CHST13: variants seen among roughly 807,000 people sequenced by gnomAD.
CHST13 encodes the protein carbohydrate sulfotransferase 13.
In CHST13, 1 loss-of-function variant was observed where a neutral mutation model predicts 7.0. That is an observed-to-expected ratio of 0.14 (90% CI 0.05 to 0.68). The LOEUF (loss-of-function observed/expected upper bound fraction) is 0.68, where lower values mean the gene tolerates loss of function less well. Ranked by LOEUF, CHST13 falls within the 30% of genes least tolerant of loss-of-function variation. The probability of loss-of-function intolerance (pLI) is 0.82; values close to 1 mark genes in which losing one functional copy is unlikely to be tolerated. For synonymous variants in CHST13, 257 were observed against 240.9 expected (o/e 1.07, Z -0.62); for missense variants, 572 against 507.9 (o/e 1.13, Z -1.21).
intron 1 of CHST13, among the ~76,000 whole-genome samples, chr3:126,535,961 T>C (rs1468191184): frequency 3.3e-5 from 5 of 152,238 alleles, no homozygotes; most frequent in African/African-American, 1.2e-4. Flanking sequence ...TTGGGTGATC[T>C]GGCCTTTCCT....
chr3:126,539,129 A>G (rs1340502026), intron 2 of CHST13, among the ~76,000 whole-genome samples: 1 of 152,112 alleles, frequency 6.6e-6, no homozygotes, highest in Non-Finnish European at 1.5e-5. Flanking sequence ...AAATTCAAGC[A>G]TATGCAAGAA....
In CHST13 at chr3:126,542,187, C is replaced by T. The variant is rs1936976057; in HGVS notation, c.635C>T (p.Ala212Val). 7.0e-7 allele frequency: 1 copy of T among 1,438,420 alleles called. No individual in the cohort carries two copies. The highest frequency in any genetic ancestry group is 3.0e-5 in the Admixed American group (1 of 33,424). 89.1% of individuals were successfully genotyped at this position (1,438,420 alleles called of 1,614,324 possible). Residue 212 changes from alanine to valine, a missense_variant, in exon 3 of 3, where the codon GCG (alanine) becomes GTG (valine). Coordinates refer to ENST00000319340, the MANE Select transcript of CHST13 (RefSeq NM_152889.3). ...ARIVQRLRPRALPDARARGHD... is the reference protein window; with the variant it reads ...ARIVQRLRPRVLPDARARGHD... ...ATCGTTCAGCGCCTGCGGCCGCGCG[C>T]GCTCCCCGACGCCCGGGCCCGCGGC... is the stretch of plus-strand genomic sequence containing the variant.
At chr3:126,526,235 G>A (rs745581963) in intron 1 of CHST13, among the ~76,000 whole-genome samples, 8 of 152,232 alleles carry the variant, frequency 5.3e-5, no homozygotes, top group Non-Finnish European at 1.0e-4. Flanking sequence ...GACTATGCTT[G>A]TGGGCCTGCA....
intron 1 of CHST13, chr3:126,529,434 A>G: frequency 7.8e-7 from 1 of 1,278,270 alleles, no homozygotes; most frequent in Non-Finnish European, 1.0e-6. Flanking sequence ...GCAGGGCAGC[A>G]TGGGTGTTAA....
rs1377509154 is a variant in CHST13, at chr3:126,542,127, A to G, written c.575A>G (p.Tyr192Cys). Reference sequence around the variant, plus strand: ...TACCGCAACAAGCTCGCGCGCCCCTACAGCGCCGCCTTCCAGAGGCGCTAC... The same window carrying G: ...TACCGCAACAAGCTCGCGCGCCCCTGCAGCGCCGCCTTCCAGAGGCGCTAC... ...SAYRNKLARPYSAAFQRRYGA... is the reference protein window; with the variant it reads ...SAYRNKLARPCSAAFQRRYGA... The change falls in exon 3 of 3, where the codon TAC (tyrosine) becomes TGC (cysteine). Residue 192 changes from tyrosine to cysteine, a missense_variant. Tyr to Cys is a radical substitution (Grantham distance 194). Transcript: ENST00000319340. 1.3e-6 allele frequency: 2 copies of G among 1,569,762 alleles called. No individual in the cohort carries two copies. Among genetic ancestry groups the G allele is most frequent in the Non-Finnish European group, 1.7e-6 (2 of 1,162,782 alleles).
At chr3:126,526,509 A>G (rs1936539466) in intron 1 of CHST13, among the ~76,000 whole-genome samples, 1 of 152,070 alleles carries the variant, frequency 6.6e-6, no homozygotes, top group Non-Finnish European at 1.5e-5. Flanking sequence ...CCTTCTCCAG[A>G]GCAAGAGGCC....
intron 2 of CHST13, among the ~76,000 whole-genome samples, chr3:126,539,698 A>T (rs1412346354): frequency 1.9e-5 from 2 of 107,712 alleles, no homozygotes; most frequent in African/African-American, 7.4e-5. Context: ...CCACACACAC[A>T]CCACACACAT....
chr3:126,542,022 C>T lies in CHST13; in HGVS notation c.470C>T (p.Pro157Leu), dbSNP rs1161509789. ...GRLPSLADFS[P>L]AEINRRLRAY... is the part of the protein sequence containing the mutation. ...CTGCCCTCACTGGCCGACTTCAGCC[C>T]CGCCGAGATCAACCGGCGCCTGCGC... is the stretch of plus-strand genomic sequence containing the variant. The change falls in exon 3 of 3, where the codon CCC (proline) becomes CTC (leucine). Residue 157 changes from proline (P) to leucine (L), a missense_variant. Transcript: ENST00000319340. The T allele has an allele frequency of 1.3e-6, 2 of 1,568,216 alleles. No individual in the cohort carries two copies. The highest frequency in any genetic ancestry group is 1.7e-6 in the Non-Finnish European group (2 of 1,161,356).
intron 1 of CHST13, among the ~76,000 whole-genome samples, chr3:126,534,755 A>G (rs1235287817): frequency 1.3e-5 from 2 of 149,642 alleles, no homozygotes; most frequent in East Asian, 4.0e-4. Flanking sequence ...CACCCAGGAG[A>G]CAGACAGACA....
In CHST13 at chr3:126,524,172, AGGGGCTGGT is replaced by A; in HGVS notation, c.-152_-144del. 2.4e-6 allele frequency: 1 copy of A among 412,458 alleles called. No homozygotes were observed. The highest frequency in any genetic ancestry group is 3.9e-6 in the Non-Finnish European group (1 of 253,230). 25.5% of individuals were successfully genotyped at this position (412,458 alleles called of 1,614,324 possible). A position where few individuals can be genotyped will look rare whatever the true frequency, so the allele number is the denominator to read the frequency against. On this transcript the variant is annotated 5_prime_UTR_variant, in exon 1 of 3. Transcript: ENST00000319340. ...GCCTCCTCAGTCCCCAGCGACTCGCAGGGGCTGGTGGGGCTGGGGTCCAGCTGCCGTGCT... is the reference window on the plus strand; with the variant it reads ...GCCTCCTCAGTCCCCAGCGACTCGCAGGGGCTGGGGTCCAGCTGCCGTGCT...
At position 126,524,330 on chromosome 3, in the gene CHST13, A is replaced by T. The variant is rs933038903; in HGVS notation, c.-3A>T. ...CTGTCCTCCGCCGCGCGCCCGGCAC[A>T]GCATGGGGAGGCGCTGCTGCCGGCG... On this transcript the variant is annotated 5_prime_UTR_variant, in exon 1 of 3. Transcript: ENST00000319340. 1.6e-6 allele frequency: 2 copies of T among 1,233,734 alleles called. No individual in the cohort carries two copies. Among genetic ancestry groups the T allele is most frequent in the South Asian group, 6.9e-5 (2 of 29,180 alleles). 76.4% of individuals were successfully genotyped at this position (1,233,734 alleles called of 1,614,324 possible). A position where few individuals can be genotyped will look rare whatever the true frequency, so the allele number is the denominator to read the frequency against.
In CHST13 at chr3:126,542,746, C is replaced by A; in HGVS notation, c.*168C>A. 9.2e-7 allele frequency: 1 copy of A among 1,085,724 alleles called. No individual in the cohort carries two copies. Among genetic ancestry groups the A allele is most frequent in the Non-Finnish European group, 1.2e-6 (1 of 828,350 alleles). The allele number at this position is 1,085,724 out of a possible 1,614,324, so 67.3% of individuals were successfully genotyped here. A position where few individuals can be genotyped will look rare whatever the true frequency, so the allele number is the denominator to read the frequency against. Reference sequence around the variant, plus strand: ...CACACCTGGCCAGGCTTGGGGGCAGCCCATCTCAGGTGGCCCTGCACGCGT... The same window carrying A: ...CACACCTGGCCAGGCTTGGGGGCAGACCATCTCAGGTGGCCCTGCACGCGT... On this transcript the variant is annotated 3_prime_UTR_variant, in exon 3 of 3. Coordinates refer to ENST00000319340, the MANE Select transcript of CHST13 (RefSeq NM_152889.3).
chr3:126,535,123 G>A (rs149000492), intron 1 of CHST13, among the ~76,000 whole-genome samples: 222 of 142,734 alleles, frequency 1.6e-3, no homozygotes, highest in African/African-American at 5.1e-3. Flanking sequence ...GTCCTCAGCT[G>A]GAGACAGACA....
intron 1 of CHST13, among the ~76,000 whole-genome samples, chr3:126,535,892 G>A (rs1936779337): frequency 6.6e-6 from 1 of 152,248 alleles, no homozygotes; most frequent in African/African-American, 2.4e-5. Flanking sequence ...CAGCCAGCCA[G>A]CCTGGTGAAC....
intron 1 of CHST13, among the ~76,000 whole-genome samples, chr3:126,528,925 T>C (rs1936590383): frequency 2.6e-5 from 4 of 152,202 alleles, no homozygotes; most frequent in Admixed American, 2.6e-4. Context: ...GGGGAAGGAA[T>C]GGGGCAGGAC....
chr3:126,539,847 T>TTC (rs1936906140), intron 2 of CHST13, among the ~76,000 whole-genome samples: 2 of 1,206 alleles, frequency 1.7e-3, no homozygotes, highest in Non-Finnish European at 2.9e-3. Flanking sequence ...ACCACACACA[T>TTC]CACACACACA....
chr3:126,542,414 T>C lies in CHST13; in HGVS notation c.862T>C (p.Phe288Leu), dbSNP rs1277904543. The C allele has an allele frequency of 6.4e-7, 1 of 1,552,108 alleles. No homozygotes were observed. The highest frequency in any genetic ancestry group is 8.7e-7 in the Non-Finnish European group (1 of 1,152,246). The stretch of plus-strand genomic sequence containing the variant: ...CCTGGCGGGCGCATCCGACCTGAGC[T>C]TCCCTGGGCCGCCGCGGCCCCGGGG... ...LGLAGASDLS[F>L]PGPPRPRGAA... The change falls in exon 3 of 3, where the codon TTC becomes CTC. Residue 288 changes from phenylalanine (F) to leucine (L), a missense_variant. Phe to Leu is a conservative substitution (Grantham distance 22). Coordinates refer to ENST00000319340, the MANE Select transcript of CHST13 (RefSeq NM_152889.3).
intron 1 of CHST13, among the ~76,000 whole-genome samples, chr3:126,530,987 G>A (rs968311737): frequency 1.6e-4 from 25 of 152,260 alleles, no homozygotes; most frequent in African/African-American, 5.3e-4. Flanking sequence ...TCAGTTACAC[G>A]CAGCAGGGTT....
chr3:126,529,376 C>T lies in CHST13; in HGVS notation c.97+4947C>T, dbSNP rs1030949280. The T allele has an allele frequency of 1.9e-5, 24 of 1,289,132 alleles. No individual in the cohort carries two copies. In the East Asian group the frequency reaches 3.3e-4, roughly 18 times the overall value. The allele number at this position is 1,289,132 out of a possible 1,614,324, so 79.9% of individuals were successfully genotyped here. Reference sequence around the variant, plus strand: ...CAGTGAAATGGGGCCCACTTGCCTACGGATGCCGCAAGGGGGGACAGGTGT... The same window carrying T: ...CAGTGAAATGGGGCCCACTTGCCTATGGATGCCGCAAGGGGGGACAGGTGT... On this transcript the variant is annotated intron_variant, in intron 1 of 2. Transcript: ENST00000319340.
Sources: gnomAD v4.1 joint callset for allele counts (sites outside exome capture counted in the v4.1 genomes callset) on GRCh38, gnomAD v4.1.1 for gene constraint, MANE v1.5 for transcripts, NCBI Gene and HGNC (gene_info 2026-07-23, HGNC 2026-07-21) for gene names.